C8A: variants seen among roughly 807,000 people sequenced by gnomAD.
The protein encoded by C8A is complement component C8 alpha chain.
A neutral mutation model predicts 65.3 loss-of-function variants in C8A; 67 were observed. The ratio of observed to expected loss-of-function variants is 1.03; its 90% CI spans 0.84 to 1.26. The LOEUF is 1.26. Among genes scored for constraint, C8A ranks in the 50% most tolerant of loss-of-function variants. The pLI, the probability that C8A is intolerant of heterozygous loss-of-function variation, is 0.00. For missense variants in C8A, 781 were observed against 723.9 expected, an observed-to-expected ratio of 1.08 and a Z score of -0.90; for synonymous variants, 290 against 259.4, an observed-to-expected ratio of 1.12 and a Z score of -1.13.
rs1199031816 is a variant in C8A at position 56,894,969 on chromosome 1, C to A, written c.1096+8802C>A. Among the ~76,000 whole-genome samples the A allele has an allele frequency of 2.7e-5, 4 of 149,612 alleles. No individual in the cohort carries two copies. In the East Asian group the frequency reaches 7.8e-4, roughly 29 times the overall value. On this transcript the variant is annotated intron_variant, in intron 7 of 10. Coordinates refer to ENST00000361249, the MANE Select transcript of C8A (RefSeq NM_000562.3). ...AATACAATGTTTTTGCGTATAATAA[C>A]ATCTACTATTTGTAGAGCATAACAC...
intron 5 of C8A, among the ~76,000 whole-genome samples, chr1:56,883,225 GT>G (rs1318825575): frequency 7.7e-6 from 1 of 129,148 alleles, no homozygotes; most frequent in Non-Finnish European, 1.7e-5. Context: ...ATCTGCATCT[GT>G]GTGTGTGTGT....
chr1:56,912,928 G>C (rs1644521210), intron 10 of C8A, among the ~76,000 whole-genome samples: 1 of 152,194 alleles, frequency 6.6e-6, no homozygotes, highest in African/African-American at 2.4e-5. Flanking sequence ...TCACAAATTA[G>C]GTGGCTTATA....
At chr1:56,857,659 C>A (rs1209742969) in intron 1 of C8A, among the ~76,000 whole-genome samples, 3 of 151,948 alleles carry the variant, frequency 2.0e-5, no homozygotes, top group Non-Finnish European at 2.9e-5. Context: ...TTTGAGTTCA[C>A]CATTTTACAA....
intron 6 of C8A, among the ~76,000 whole-genome samples, chr1:56,885,451 TA>T (rs1644290627): frequency 8.5e-6 from 1 of 117,390 alleles, no homozygotes; most frequent in African/African-American, 2.9e-5. Context: ...TAAATATATA[TA>T]TATTTCCGTA....
intron 4 of C8A, among the ~76,000 whole-genome samples, chr1:56,878,121 C>G (rs1644215752): frequency 1.3e-5 from 2 of 152,100 alleles, no homozygotes; most frequent in African/African-American, 4.8e-5. Flanking sequence ...CTTCCTGTGT[C>G]TGCACATGTT....
chr1:56,908,060 T>C lies in C8A; in HGVS notation c.1327T>C (p.Tyr443His), dbSNP rs1273138188. The C allele has an allele frequency of 6.2e-7, 1 of 1,614,086 alleles. No individual in the cohort carries two copies. Among genetic ancestry groups the C allele is most frequent in the Non-Finnish European group, 8.5e-7 (1 of 1,180,030 alleles). ...GGCACAGAACAGGAGCACCATTACA[T>C]ACCGTTCCTGGGGGAGGTCATTAAA... ...GLAQNRSTITYRSWGRSLKYN... is the reference protein window; with the variant it reads ...GLAQNRSTITHRSWGRSLKYN... The change falls in exon 9 of 11, where the codon TAC becomes CAC. Residue 443 changes from tyrosine to histidine, a missense_variant. Physicochemically the swap from Tyr to His is moderately conservative, Grantham distance 83. Transcript: ENST00000361249.
intron 7 of C8A, among the ~76,000 whole-genome samples, chr1:56,887,033 T>A (rs1474141403): frequency 6.6e-6 from 1 of 152,128 alleles, no homozygotes; most frequent in Non-Finnish European, 1.5e-5. Flanking sequence ...GCTACTACAG[T>A]TTGAGAACCA....
At chr1:56,889,488 C>A (rs568774089) in intron 7 of C8A, among the ~76,000 whole-genome samples, 2 of 152,128 alleles carry the variant, frequency 1.3e-5, no homozygotes, top group Admixed American at 6.6e-5. Flanking sequence ...CTCTTCCCCT[C>A]GGTCTCATTC....
intron 10 of C8A, among the ~76,000 whole-genome samples, chr1:56,917,087 G>A (rs569999255): frequency 3.3e-5 from 5 of 152,128 alleles, no homozygotes; most frequent in South Asian, 2.1e-4. Flanking sequence ...GCCTCCCTCC[G>A]CTATCCATCT....
At chr1:56,907,370 T>G (rs532198507) in intron 8 of C8A, among the ~76,000 whole-genome samples, 1 of 152,308 alleles carries the variant, frequency 6.6e-6, no homozygotes, top group African/African-American at 2.4e-5. Flanking sequence ...TTAATCAGGT[T>G]CAAGCTATTC....
At chr1:56,906,621 CTT>C (rs769975043) in intron 7 of C8A, 44 bp from the exon 8 acceptor site, 1 of 1,611,878 alleles carries the variant, frequency 6.2e-7, no homozygotes, top group South Asian at 1.1e-5. Flanking sequence ...TGTCAAGTGT[CTT>C]TTAATAACTC....
At chr1:56,859,341 C>T (rs758491465) in intron 1 of C8A, among the ~76,000 whole-genome samples, 3 of 152,206 alleles carry the variant, frequency 2.0e-5, no homozygotes, top group Non-Finnish European at 4.4e-5. Flanking sequence ...GTGAGCAATA[C>T]AGTCATAATC....
chr1:56,880,862 G>A (rs1448668421), intron 4 of C8A, among the ~76,000 whole-genome samples: 1 of 152,134 alleles, frequency 6.6e-6, no homozygotes, highest in East Asian at 1.9e-4. Flanking sequence ...CTAAACCGAG[G>A]CACAGAGAGG....
chr1:56,896,504 C>T (rs753483047), intron 7 of C8A, among the ~76,000 whole-genome samples: 3 of 152,260 alleles, frequency 2.0e-5, no homozygotes, highest in South Asian at 2.1e-4. Context: ...AAGGAAGACT[C>T]TTCTCTTATT....
chr1:56,876,231 A>G, intron 4 of C8A, 22 bp downstream of exon 4: 2 of 1,613,278 alleles, frequency 1.2e-6, no homozygotes, highest in Non-Finnish European at 1.7e-6. Flanking sequence ...CCTACTAGCT[A>G]TTTAGGAGCA....
intron 5 of C8A, 79 bp downstream of exon 5, chr1:56,881,713 T>A: frequency 7.4e-7 from 1 of 1,350,274 alleles, no homozygotes; most frequent in Non-Finnish European, 1.1e-6. Flanking sequence ...GGAGATGACT[T>A]GCTCTGGAAG....
In C8A at chr1:56,886,017, C is replaced by A; in HGVS notation, c.946C>A (p.Gln316Lys). The A allele has an allele frequency of 7.4e-6, 12 of 1,614,056 alleles. No individual in the cohort carries two copies. The highest frequency in any genetic ancestry group is 1.0e-5 in the Non-Finnish European group (12 of 1,179,944). The change falls in exon 7 of 11, where the codon CAG (glutamine) becomes AAG (lysine). Residue 316 changes from glutamine (Q) to lysine (K), a missense_variant. Transcript: ENST00000361249. ...DDIMLDEGML[Q>K]SLMELPDQYN... The stretch of plus-strand genomic sequence containing the variant: ...CATTATGCTGGATGAAGGAATGCTG[C>A]AGTCATTAATGGAGCTTCCAGATCA...
At chr1:56,904,592 C>T (rs1026670446) in intron 7 of C8A, among the ~76,000 whole-genome samples, 1 of 152,202 alleles carries the variant, frequency 6.6e-6, no homozygotes, top group East Asian at 1.9e-4. Context: ...ATACCACAGG[C>T]TTCTAAACAT....
At chr1:56,898,076 A>G (rs1172188251) in intron 7 of C8A, among the ~76,000 whole-genome samples, 24 of 152,176 alleles carry the variant, frequency 1.6e-4, no homozygotes, top group Admixed American at 1.6e-3. Context: ...TACCTGGAAG[A>G]GAAGGGAGTT....
Sources: allele counts gnomAD v4.1 joint callset (sites outside exome capture counted in the v4.1 genomes callset), GRCh38; gene constraint gnomAD v4.1.1; transcripts MANE v1.5; gene names NCBI Gene and HGNC (gene_info 2026-07-23, HGNC 2026-07-21).